QRICH2: variants seen among roughly 807,000 people sequenced by gnomAD.
QRICH2 encodes glutamine rich 2.
Under a neutral mutation model 168.3 loss-of-function variants are expected in QRICH2, and 119 were observed. The observed-to-expected ratio is 0.71, with a 90% CI of 0.61 to 0.82. The LOEUF is 0.82. QRICH2 is among the 40% of genes least tolerant of loss of function. The probability of loss-of-function intolerance (pLI) is 0.00; values close to 1 mark genes in which losing one functional copy is unlikely to be tolerated. For missense variants in QRICH2, 2,241 were observed against 2,491.6 expected, an observed-to-expected ratio of 0.90 and a Z score of 2.14; for synonymous variants, 894 against 951.2, an observed-to-expected ratio of 0.94 and a Z score of 1.11.
At position 76,293,946 on chromosome 17, in the gene QRICH2, C is replaced by G; in HGVS notation, c.781G>C (p.Gly261Arg). 1 of 1,614,104 alleles carries G rather than the reference C, an allele frequency of 6.2e-7. No homozygotes were observed. Among genetic ancestry groups the G allele is most frequent in the South Asian group, 1.1e-5 (1 of 91,088 alleles). Reference sequence around the variant, plus strand: ...ATACTTGGTTGCTTGGTAGAGTCTCCGCTTAGAGTCCCTTCAGGTGATGTT... The same window carrying G: ...ATACTTGGTTGCTTGGTAGAGTCTCGGCTTAGAGTCCCTTCAGGTGATGTT... ...SLTSPEGTLS[G>R]DSTKQPSIEQ... Residue 261 changes from glycine to arginine, a missense_variant, in exon 4 of 19, where the codon GGA becomes CGA. Physicochemically the swap from Gly to Arg is moderately radical, Grantham distance 125. This residue lies in a region of QRICH2 where 2,047 missense variants were observed against 2,303.8 expected (regional missense o/e 0.89). Coordinates refer to ENST00000680821, the MANE Select transcript of QRICH2 (RefSeq NM_001388453.1).
intron 5 of QRICH2, among the ~76,000 whole-genome samples, chr17:76,288,412 A>AAAAAAAAG (rs1241926180): frequency 7.1e-6 from 1 of 140,570 alleles, no homozygotes; most frequent in African/African-American, 2.9e-5. Flanking sequence ...AAAAAAAAAA[A>AAAAAAAAG]GGAATGACTG....
At chr17:76,288,383 T>TAAAAAAA (rs770162922) in intron 5 of QRICH2, among the ~76,000 whole-genome samples, 18 of 39,266 alleles carry the variant, frequency 4.6e-4, no homozygotes, top group African/African-American at 2.1e-3. Flanking sequence ...GAATCAGTCT[T>TAAAAAAA]AAAAAAAAAA....
chr17:76,284,820 GA>G (rs1182898484), intron 7 of QRICH2, among the ~76,000 whole-genome samples: 136 of 118,600 alleles, frequency 1.1e-3, no homozygotes, highest in South Asian at 1.8e-3. Context: ...CCGTCTCAAA[GA>G]AAAAAAAAAA....
chr17:76,303,292 C>A (rs989370867), intron 3 of QRICH2, among the ~76,000 whole-genome samples: 3 of 152,098 alleles, frequency 2.0e-5, no homozygotes, highest in African/African-American at 7.2e-5. Flanking sequence ...ATTTGGCGCT[C>A]CCCAAGATGG....
chr17:76,276,278 C>T (rs2070677713), intron 17 of QRICH2, among the ~76,000 whole-genome samples: 1 of 152,164 alleles, frequency 6.6e-6, no homozygotes, highest in Non-Finnish European at 1.5e-5. Context: ...TGGGAAGTGA[C>T]AAAGCGCAGG....
Position 76,292,851 on chromosome 17 carries a change from C to A in QRICH2, c.1876G>T (p.Asp626Tyr). The part of the protein sequence containing the change: ...DQRGLVWPGM[D>Y]QSGLAQPGRD... ...CCAGGTTGGGCCAAACCAGACTGAT[C>A]CATTCCAGGCCAGACCAAACCACGC... The change falls in exon 4 of 19, where the codon GAT (aspartate) becomes TAT (tyrosine). Residue 626 changes from aspartate (D) to tyrosine (Y), a missense_variant. By Grantham distance (160) the Asp-to-Tyr change is radical. This residue lies in a region of QRICH2 where 2,047 missense variants were observed against 2,303.8 expected (regional missense o/e 0.89). Transcript: ENST00000680821. The A allele has an allele frequency of 6.2e-7, 1 of 1,603,496 alleles. No individual in the cohort carries two copies. Among genetic ancestry groups the A allele is most frequent in the Middle Eastern group, 1.7e-4 (1 of 6,016 alleles).
Position 76,280,876 on chromosome 17 carries a change from G to A in QRICH2, c.4341C>T (p.Thr1447=). ...GCCGATGGTCCTCGATGAGGTTGCT[G>A]GTGGTGATGTTGAGCTTCTCGCAGT... ...QGDCEKLNIT[T]SNLIEDHRQK... The change falls in exon 9 of 19, where the codon ACC becomes ACT. Residue 1447 remains threonine, a synonymous_variant. Coordinates refer to ENST00000680821, the MANE Select transcript of QRICH2 (RefSeq NM_001388453.1). The surrounding 1 kb of genome is among the most constrained non-coding windows in gnomAD (Gnocchi z 7.4). The A allele has an allele frequency of 6.2e-7, 1 of 1,613,680 alleles. No individual in the cohort carries two copies. The highest frequency in any genetic ancestry group is 8.5e-7 in the Non-Finnish European group (1 of 1,180,022).
At chr17:76,289,960 A>AG in intron 5 of QRICH2, 32 bp downstream of exon 5, 1 of 1,518,656 alleles carries the variant, frequency 6.6e-7, no homozygotes, top group Admixed American at 1.8e-5. Context: ...TCAAAAAAAA[A>AG]AAAAAGACAA....
chr17:76,292,127 T>C lies in QRICH2; in HGVS notation c.2600A>G (p.Asp867Gly). 6.2e-7 allele frequency: 1 copy of C among 1,608,656 alleles called. No homozygotes were observed. The highest frequency in any genetic ancestry group is 8.5e-7 in the Non-Finnish European group (1 of 1,178,306). Residue 867 changes from aspartate to glycine, a missense_variant, in exon 4 of 19, where the codon GAT becomes GGT. Asp to Gly is a moderately conservative substitution (Grantham distance 94). Around this residue, in one of 3 missense-constraint regions of QRICH2, gnomAD observed 2,047 missense variants for 2,303.8 expected, o/e 0.89. Coordinates refer to ENST00000680821, the MANE Select transcript of QRICH2 (RefSeq NM_001388453.1). ...DQRGLVQPGV[D>G]QRGLVQPGVD... is the part of the protein sequence containing the mutation. ...TCCAGGTTGCACCAAACCACGCTGA[T>C]CCACTCCAGGTTGGACCAAACCACG...
intron 3 of QRICH2, among the ~76,000 whole-genome samples, chr17:76,295,058 C>T (rs2143331846): frequency 7.5e-6 from 1 of 133,276 alleles, no homozygotes; most frequent in East Asian, 2.4e-4. Flanking sequence ...GATGAAACCC[C>T]GTCTCTACTA....
At chr17:76,299,587 A>C (rs1359281791) in intron 3 of QRICH2, among the ~76,000 whole-genome samples, 2 of 151,834 alleles carry the variant, frequency 1.3e-5, no homozygotes, top group Non-Finnish European at 2.9e-5. Flanking sequence ...AAATACAAAA[A>C]TTAGCTGGGC....
Position 76,281,904 on chromosome 17 carries a change from G to C in QRICH2, c.4223C>G (p.Ala1408Gly), listed in dbSNP as rs376555635. The C allele has an allele frequency of 1.9e-6, 3 of 1,613,588 alleles. No individual in the cohort carries two copies. Among genetic ancestry groups the C allele is most frequent in the Non-Finnish European group, 1.7e-6 (2 of 1,180,008 alleles). Residue 1408 changes from alanine (A) to glycine (G), a missense_variant, in exon 8 of 19, where the codon GCC becomes GGC. Around this residue, in one of 3 missense-constraint regions of QRICH2, gnomAD observed 2,047 missense variants for 2,303.8 expected, o/e 0.89. Transcript: ENST00000680821. The surrounding 1 kb of genome is among the most constrained non-coding windows in gnomAD (Gnocchi z 4.4). The part of the protein sequence containing the change: ...EQLQDMVNSL[A>G]VSRPSKKAKL... ...GGCCTTCTTGGAGGGTCGGGAGACG[G>C]CCAGGCTGTTGACCATGTCTTGGAG...
chr17:76,285,804 G>A (rs773755265), intron 7 of QRICH2, among the ~76,000 whole-genome samples: 2 of 151,840 alleles, frequency 1.3e-5, no homozygotes, highest in South Asian at 2.1e-4. Context: ...AGCCAAGATC[G>A]TGCCATTTCC....
chr17:76,275,540 G>T (rs2070659323), intron 18 of QRICH2, among the ~76,000 whole-genome samples: 1 of 152,262 alleles, frequency 6.6e-6, no homozygotes, highest in African/African-American at 2.4e-5. Context: ...GAGTGCACGT[G>T]AGCAGGGCAA....
chr17:76,287,821 C>G lies in QRICH2; in HGVS notation c.3875G>C (p.Arg1292Thr). 6.2e-7 allele frequency: 1 copy of G among 1,613,682 alleles called. No individual in the cohort carries two copies. Among genetic ancestry groups the G allele is most frequent in the Non-Finnish European group, 8.5e-7 (1 of 1,179,582 alleles). The change falls in exon 6 of 19, where the codon AGA becomes ACA. Residue 1292 changes from arginine (R) to threonine (T), a missense_variant. By Grantham distance (71) the Arg-to-Thr change is moderately conservative. Transcript: ENST00000680821. ...TTACCTGAGGACACCCAGCTGCAAT[C>G]TCAGCTCTCCAGCTTTCAGTTCCTT... ...AGKELKAGELRLQLGVLRVTV... is the reference protein window; with the variant it reads ...AGKELKAGELTLQLGVLRVTV...
intron 3 of QRICH2, 143 bp downstream of exon 3, chr17:76,304,272 T>C (rs1003400567): frequency 1.8e-5 from 11 of 602,130 alleles, no homozygotes; most frequent in East Asian, 1.4e-4. Context: ...GTTCTTAAGA[T>C]TGGAAAAAGC....
In QRICH2 at chr17:76,293,516, G is replaced by A. The variant is rs771593096; in HGVS notation, c.1211C>T (p.Pro404Leu). The A allele has an allele frequency of 1.1e-5, 17 of 1,614,108 alleles. No homozygotes were observed. The highest frequency in any genetic ancestry group is 1.3e-5 in the Non-Finnish European group (15 of 1,180,046). The change falls in exon 4 of 19, where the codon CCT becomes CTT. Residue 404 changes from proline (P) to leucine (L), a missense_variant. Transcript: ENST00000680821. The part of the protein sequence containing the change: ...PTGMNQPGLV[P>L]ASTYPHGVVP... ...CACACCATGTGGGTAAGTGCTAGCA[G>A]GCACTAATCCAGGCTGATTCATGCC...
In QRICH2 at chr17:76,280,171, G is replaced by A. The variant is rs2070760836; in HGVS notation, c.4627-17C>T. On this transcript the variant is annotated splice_polypyrimidine_tract_variant and intron_variant, in intron 11 of 18. Transcript: ENST00000680821. This position sits in a 1 kb window ranked among gnomAD's most constrained non-coding sequence, Gnocchi z 7.4. ...GCGGTCCAGCTGTGGCGGGGAAAGA[G>A]GGGCCAGGGGACCTCTAAGGAAGCA... 1 of 1,611,746 alleles carries A rather than the reference G, an allele frequency of 6.2e-7. No homozygotes were observed. Among genetic ancestry groups the A allele is most frequent in the Non-Finnish European group, 8.5e-7 (1 of 1,178,696 alleles).
chr17:76,310,267 G>A (rs535908458), upstream of QRICH2: 1 of 147,870 alleles, frequency 6.8e-6, no homozygotes, highest in South Asian at 2.1e-4. Flanking sequence ...AAAGTGCTGG[G>A]ATTACAGGCG....
Sources: allele counts gnomAD v4.1 joint callset (sites outside exome capture counted in the v4.1 genomes callset), GRCh38; gene constraint gnomAD v4.1.1; regional missense constraint gnomAD v4.1.1; non-coding constraint Gnocchi (gnomAD v3.1); transcripts MANE v1.5; gene names NCBI Gene and HGNC (gene_info 2026-07-23, HGNC 2026-07-21).